The following XKR4 variants were observed in gnomAD, a reference collection of about 807,000 sequenced individuals.
XKR4 encodes XK related 4.
Under a neutral mutation model 53.9 loss-of-function variants are expected in XKR4, and 12 were observed. The ratio of observed to expected loss-of-function variants is 0.22; its 90% CI spans 0.14 to 0.36. The LOEUF (loss-of-function observed/expected upper bound fraction) is 0.36. Among genes scored for constraint, XKR4 ranks in the 10% least tolerant of loss-of-function variants. The probability of loss-of-function intolerance (pLI) is 1.00; values close to 1 mark genes in which losing one functional copy is unlikely to be tolerated. For missense variants in XKR4, 799 were observed against 859.5 expected, an observed-to-expected ratio of 0.93 and a Z score of 0.88; for synonymous variants, 354 against 362.4, an observed-to-expected ratio of 0.98 and a Z score of 0.26.
chr8:55,148,770 C>T (rs1816804757), intron 1 of XKR4, among the ~76,000 whole-genome samples: 1 of 152,108 alleles, frequency 6.6e-6, no homozygotes, highest in Non-Finnish European at 1.5e-5. Context: ...GGTCAATTAG[C>T]TCAAGTGGAA....
chr8:55,104,970 C>A (rs964558806), intron 1 of XKR4, among the ~76,000 whole-genome samples: 2 of 152,116 alleles, frequency 1.3e-5, no homozygotes, highest in African/African-American at 2.4e-5. Context: ...CTTAACATTC[C>A]ATTTGTTAAC....
In XKR4 at chr8:55,367,383, C is replaced by T. The variant is rs187544485; in HGVS notation, c.1006+9506C>T. Among the ~76,000 whole-genome samples, 18 of 152,250 alleles carry T rather than the reference C, an allele frequency of 1.2e-4. No individual in the cohort carries two copies. In the East Asian group the frequency reaches 3.3e-3, roughly 28 times the overall value. ...TGTCCATTTTGTGGTTGTTGATGTA[C>T]ACTGGTTTGTTTTCAGCTTAGGAGT... On this transcript the variant is annotated intron_variant, in intron 2 of 2. Transcript: ENST00000327381.
intron 1 of XKR4, among the ~76,000 whole-genome samples, chr8:55,126,053 A>G (rs1585891788): frequency 6.6e-6 from 1 of 152,020 alleles, no homozygotes; most frequent in Non-Finnish European, 1.5e-5. Flanking sequence ...ACCCACACCA[A>G]CTCACTTCTG....
At chr8:55,209,173 G>A (rs547787793) in intron 1 of XKR4, among the ~76,000 whole-genome samples, 5 of 151,210 alleles carry the variant, frequency 3.3e-5, no homozygotes, top group South Asian at 2.1e-4. Flanking sequence ...CACAATGAAC[G>A]TGGCCCCAAA....
chr8:55,147,593 G>A (rs753726787), intron 1 of XKR4, among the ~76,000 whole-genome samples: 7 of 152,312 alleles, frequency 4.6e-5, no homozygotes, highest in Non-Finnish European at 1.0e-4. Flanking sequence ...CAAGAGGCTT[G>A]TGGCCTGCTT....
intron 1 of XKR4, chr8:55,164,328 G>A (rs1018075169): frequency 4.2e-5 from 19 of 454,794 alleles, no homozygotes; most frequent in African/African-American, 3.6e-4. Context: ...CTATTTGGAG[G>A]GTGAGATGAC....
At chr8:55,363,272 A>G (rs1803928890) in intron 2 of XKR4, among the ~76,000 whole-genome samples, 1 of 152,216 alleles carries the variant, frequency 6.6e-6, no homozygotes, top group Non-Finnish European at 1.5e-5. Context: ...CTGAACAAAA[A>G]CGAAAAACAC....
At chr8:55,259,750 T>A (rs1241453684) in intron 1 of XKR4, among the ~76,000 whole-genome samples, 1 of 152,212 alleles carries the variant, frequency 6.6e-6, no homozygotes, top group Non-Finnish European at 1.5e-5. Context: ...ACCGAAAGGC[T>A]TATGCTAATT....
intron 1 of XKR4, among the ~76,000 whole-genome samples, chr8:55,289,884 G>GAAAGAAAGAAAGAA (rs1215608630): frequency 2.0e-4 from 7 of 34,612 alleles, no homozygotes; most frequent in African/African-American, 3.6e-4. Flanking sequence ...AAGAAAGAAA[G>GAAAGAAAGAAAGAA]AAAGAAAGAA....
chr8:55,334,905 A>C (rs1457666225), intron 1 of XKR4, among the ~76,000 whole-genome samples: 1 of 152,144 alleles, frequency 6.6e-6, no homozygotes, highest in Non-Finnish European at 1.5e-5. Flanking sequence ...GCTAATGTAG[A>C]TACTGTTCCT....
chr8:55,253,731 C>CTTTTTTTTTTTTTT (rs67608017), intron 1 of XKR4, among the ~76,000 whole-genome samples: 8 of 113,738 alleles, frequency 7.0e-5, no homozygotes, highest in African/African-American at 1.3e-4. Flanking sequence ...ATTTTCTTTT[C>CTTTTTTTTTTTTTT]TTTTTTTTTT....
intron 2 of XKR4, among the ~76,000 whole-genome samples, chr8:55,360,760 G>C (rs929205444): frequency 3.9e-5 from 6 of 152,168 alleles, no homozygotes; most frequent in African/African-American, 1.4e-4. Context: ...AGAAAAATCA[G>C]ACAAGAAATA....
chr8:55,447,408 A>C lies in XKR4; in HGVS notation c.1007-75873A>C. On this transcript the variant is annotated intron_variant, in intron 2 of 2. Transcript: ENST00000327381. The stretch of plus-strand genomic sequence containing the variant: ...ACTACGGCTCCCCTGAGAGGGGAGA[A>C]AGGGAAGATAACACACACAGACTAG... Among the ~76,000 whole-genome samples, 2 of 152,170 alleles carry C rather than the reference A, an allele frequency of 1.3e-5. 1 individual carries two copies. Among genetic ancestry groups the C allele is most frequent in the Non-Finnish European group, 2.9e-5 (2 of 68,014 alleles).
intron 1 of XKR4, among the ~76,000 whole-genome samples, chr8:55,131,691 T>C (rs1240494191): frequency 1.3e-5 from 2 of 152,210 alleles, no homozygotes; most frequent in East Asian, 1.9e-4. Context: ...TTCTTGATAT[T>C]GAGTTCAGTA....
chr8:55,426,743 T>C (rs1429126347), intron 2 of XKR4, among the ~76,000 whole-genome samples: 2 of 152,194 alleles, frequency 1.3e-5, no homozygotes, highest in African/African-American at 2.4e-5. Flanking sequence ...ACCACCAGTT[T>C]GAAATTAGAT....
chr8:55,125,155 G>A (rs1816445488), intron 1 of XKR4, among the ~76,000 whole-genome samples: 1 of 152,190 alleles, frequency 6.6e-6, no homozygotes, highest in African/African-American at 2.4e-5. Flanking sequence ...ATTTTAGCAA[G>A]TGCTTCTCAT....
At chr8:55,175,128 C>T (rs1016945551) in intron 1 of XKR4, among the ~76,000 whole-genome samples, 1 of 152,198 alleles carries the variant, frequency 6.6e-6, no homozygotes, top group Non-Finnish European at 1.5e-5. Context: ...CCAAAGACAG[C>T]ATTTTGAAAC....
chr8:55,131,797 GT>G (rs1816558532), intron 1 of XKR4, among the ~76,000 whole-genome samples: 1 of 151,736 alleles, frequency 6.6e-6, no homozygotes, highest in Non-Finnish European at 1.5e-5. Context: ...CCAGGCTGGA[GT>G]GCAGTGGTAT....
intron 2 of XKR4, among the ~76,000 whole-genome samples, chr8:55,391,533 T>C (rs562407763): frequency 6.6e-6 from 1 of 152,298 alleles, no homozygotes; most frequent in Admixed American, 6.5e-5. Context: ...ATGGTATATA[T>C]CCTTTATGTG....
Sources: allele counts gnomAD v4.1 joint callset (sites outside exome capture counted in the v4.1 genomes callset), GRCh38; gene constraint gnomAD v4.1.1; transcripts MANE v1.5; gene names NCBI Gene and HGNC (gene_info 2026-07-23, HGNC 2026-07-21).